Variants in SGMS2 observed in about 807,000 individuals in gnomAD.
SGMS2 encodes the protein phosphatidylcholine:ceramide cholinephosphotransferase 2.
SGMS2 carries 21 observed loss-of-function variants against 43.8 expected under a neutral mutation model. That is an observed-to-expected ratio of 0.48 (90% confidence interval 0.34 to 0.69). The LOEUF (loss-of-function observed/expected upper bound fraction) is 0.69. Ranked by LOEUF, SGMS2 falls within the 30% of genes least tolerant of loss-of-function variation. SGMS2 has a pLI of 0.01. For missense variants in SGMS2, 384 were observed against 443.2 expected (o/e 0.87, Z 1.20); for synonymous variants, 167 against 160.6 (o/e 1.04, Z -0.30).
chr4:107,865,036 T>G (rs986182382), intron 2 of SGMS2, among the ~76,000 whole-genome samples: 1 of 152,230 alleles, frequency 6.6e-6, no homozygotes, highest in Non-Finnish European at 1.5e-5. Context: ...TCATAAAATA[T>G]TACTGAACAA....
chr4:107,904,054 C>A lies in SGMS2; in HGVS notation c.727+668C>A, dbSNP rs546814032. 5.3e-5 allele frequency among the ~76,000 whole-genome samples: 8 copies of A among 152,208 alleles called. No individual in the cohort carries two copies. The South Asian group carries it at 1.7e-3, about 32-fold the overall frequency. On this transcript the variant is annotated intron_variant, in intron 5 of 6. Coordinates refer to ENST00000690982, the MANE Select transcript of SGMS2 (RefSeq NM_001375905.1). ...TGGGTTTTCTAGTAGGTTTTATGGC[C>A]AAAATCATGTCTTGTTCTTTGTAGG...
chr4:107,884,099 C>CT (rs1208099067), intron 2 of SGMS2, among the ~76,000 whole-genome samples: 3 of 151,614 alleles, frequency 2.0e-5, no homozygotes, highest in Admixed American at 1.3e-4. Flanking sequence ...ATTTTTTCTT[C>CT]TTTTTTCCCC....
intron 2 of SGMS2, among the ~76,000 whole-genome samples, chr4:107,886,364 ATTTTTTTTTTTTTTT>A (rs67228519): frequency 3.8e-5 from 4 of 106,250 alleles, no homozygotes; most frequent in East Asian, 2.6e-4. Flanking sequence ...CACCCAGCTA[ATTTTTTTTTTTTTTT>A]TTTTTTTTTT....
At chr4:107,900,332 G>A (rs1731016858) in intron 4 of SGMS2, among the ~76,000 whole-genome samples, 1 of 152,234 alleles carries the variant, frequency 6.6e-6, no homozygotes, top group South Asian at 2.1e-4. Flanking sequence ...GTGTCTCAGA[G>A]TGGAGTTGTG....
At chr4:107,858,427 A>G (rs962205893) in intron 1 of SGMS2, 45 bp from the exon 2 acceptor site, 2 of 152,522 alleles carry the variant, frequency 1.3e-5, no homozygotes, top group African/African-American at 4.8e-5. Context: ...AAACATAGCA[A>G]CAAAGCCTCA....
intron 1 of SGMS2, among the ~76,000 whole-genome samples, chr4:107,830,639 G>A (rs559966078): frequency 2.4e-4 from 37 of 152,270 alleles, no homozygotes; most frequent in African/African-American, 7.0e-4. Flanking sequence ...ATGATGTTGA[G>A]CATTGTTTCC....
intron 2 of SGMS2, among the ~76,000 whole-genome samples, chr4:107,888,921 T>C (rs1027363616): frequency 6.6e-6 from 1 of 152,190 alleles, no homozygotes; most frequent in Admixed American, 6.5e-5. Context: ...ATGAAAACTG[T>C]GATAGTCATC....
chr4:107,878,720 A>G (rs1729113529), intron 2 of SGMS2, among the ~76,000 whole-genome samples: 1 of 152,002 alleles, frequency 6.6e-6, no homozygotes, highest in Admixed American at 6.6e-5. Flanking sequence ...CCTTCTGGAG[A>G]GCTTTAGCTT....
At chr4:107,899,821 A>G (rs1578649330) in intron 4 of SGMS2, 129 bp downstream of exon 4, 1 of 531,074 alleles carries the variant, frequency 1.9e-6, no homozygotes. Context: ...TCTATTTTCT[A>G]TTTAGATTTG....
intron 2 of SGMS2, among the ~76,000 whole-genome samples, chr4:107,866,612 G>A (rs1728146109): frequency 6.6e-6 from 1 of 151,402 alleles, no homozygotes; most frequent in African/African-American, 2.4e-5. Flanking sequence ...AAAAGTGTTT[G>A]GGAAATATTA....
chr4:107,869,676 G>T lies in SGMS2; in HGVS notation c.-245+11123G>T, dbSNP rs187598475. On this transcript the variant is annotated intron_variant, in intron 2 of 6. Transcript: ENST00000690982. Reference sequence around the variant, plus strand: ...AAAAATGGCATTAGGGTCATGTTGGGGAAAAAAGAATCTCTTTCTTACAGA... The same window carrying T: ...AAAAATGGCATTAGGGTCATGTTGGTGAAAAAAGAATCTCTTTCTTACAGA... Among the ~76,000 whole-genome samples, 5 of 151,610 alleles carry T rather than the reference G, an allele frequency of 3.3e-5. No homozygotes were observed. In the East Asian group the frequency reaches 9.7e-4, roughly 29 times the overall value.
rs537464253 is a variant in SGMS2 at position 107,845,922 on chromosome 4, G to T, written c.-326-12550G>T. On this transcript the variant is annotated intron_variant, in intron 1 of 6. Coordinates refer to ENST00000690982, the MANE Select transcript of SGMS2 (RefSeq NM_001375905.1). ...ATGGAGTTACAGATCTAAATGTTATGCCACCAAATGGAATGCTGCCCTGAC... is the reference window on the plus strand; with the variant it reads ...ATGGAGTTACAGATCTAAATGTTATTCCACCAAATGGAATGCTGCCCTGAC... Among the ~76,000 whole-genome samples the T allele has an allele frequency of 3.3e-5, 5 of 152,248 alleles. No homozygotes were observed. In the South Asian group the frequency reaches 1.0e-3, roughly 32 times the overall value.
chr4:107,878,147 C>T (rs1482643585), intron 2 of SGMS2, among the ~76,000 whole-genome samples: 1 of 152,072 alleles, frequency 6.6e-6, no homozygotes, highest in Non-Finnish European at 1.5e-5. Flanking sequence ...ATATCCTGAC[C>T]TCACGATCCA....
chr4:107,889,789 T>G (rs1339739016), intron 2 of SGMS2, among the ~76,000 whole-genome samples: 3 of 152,100 alleles, frequency 2.0e-5, no homozygotes, highest in Non-Finnish European at 4.4e-5. Flanking sequence ...ATAGCAAAAT[T>G]TGCATCATAA....
chr4:107,831,904 A>G (rs961922715), intron 1 of SGMS2, among the ~76,000 whole-genome samples: 1 of 152,214 alleles, frequency 6.6e-6, no homozygotes, highest in African/African-American at 2.4e-5. Flanking sequence ...AGATGCTGGT[A>G]GCGGTAGTCT....
In SGMS2 at chr4:107,911,608, T is replaced by A. The variant is rs1732129459; in HGVS notation, c.*1055T>A. Reference sequence around the variant, plus strand: ...AAGATGGAACCTGAAAGTTAATGTATCCTTGCTTTTAGCAAGAGACTCAGT... The same window carrying A: ...AAGATGGAACCTGAAAGTTAATGTAACCTTGCTTTTAGCAAGAGACTCAGT... On this transcript the variant is annotated 3_prime_UTR_variant, in exon 7 of 7. Transcript: ENST00000690982. The A allele has an allele frequency of 6.6e-6, 1 of 152,242 alleles. No individual in the cohort carries two copies. Among genetic ancestry groups the A allele is most frequent in the Admixed American group, 6.5e-5 (1 of 15,278 alleles). 9.4% of individuals were successfully genotyped at this position (152,242 alleles called of 1,614,324 possible). A position where few individuals can be genotyped will look rare whatever the true frequency, so the allele number is the denominator to read the frequency against.
At chr4:107,848,388 A>G (rs554400439) in intron 1 of SGMS2, among the ~76,000 whole-genome samples, 1 of 152,320 alleles carries the variant, frequency 6.6e-6, no homozygotes, top group South Asian at 2.1e-4. Flanking sequence ...ATTTGTGTGC[A>G]GCTTTTGTGG....
At chr4:107,835,123 C>T (rs1409418687) in intron 1 of SGMS2, among the ~76,000 whole-genome samples, 1 of 152,008 alleles carries the variant, frequency 6.6e-6, no homozygotes, top group African/African-American at 2.4e-5. Context: ...AAGGTCTTCT[C>T]TTTGTACAAT....
chr4:107,830,141 T>C (rs1226150200), intron 1 of SGMS2, among the ~76,000 whole-genome samples: 4 of 152,218 alleles, frequency 2.6e-5, no homozygotes, highest in Non-Finnish European at 4.4e-5. Flanking sequence ...TTTGGTTTTC[T>C]GTTCCTGTGT....
Sources: allele counts gnomAD v4.1 joint callset (sites outside exome capture counted in the v4.1 genomes callset), GRCh38; gene constraint gnomAD v4.1.1; transcripts MANE v1.5; gene names NCBI Gene and HGNC (gene_info 2026-07-23, HGNC 2026-07-21).